The following SEC63 variants were observed in gnomAD, a reference collection of about 807,000 sequenced individuals.
SEC63 encodes the protein SEC63 protein translocation regulator, also known as translocation protein SEC63 homolog.
SEC63 carries 56 observed loss-of-function variants against 116.2 expected under a neutral mutation model. The ratio of observed to expected loss-of-function variants is 0.48; its 90% CI spans 0.39 to 0.60. The LOEUF is 0.60. SEC63 is among the 20% of genes least tolerant of loss of function. The probability of loss-of-function intolerance (pLI) is 0.00; values close to 1 mark genes in which losing one functional copy is unlikely to be tolerated. For synonymous variants in SEC63, 273 were observed against 294.6 expected, an observed-to-expected ratio of 0.93 and a Z score of 0.75; for missense variants, 668 against 900.0, an observed-to-expected ratio of 0.74 and a Z score of 3.30.
chr6:107,954,545 G>A (rs1770669538), intron 1 of SEC63: 1 of 139,520 alleles, frequency 7.2e-6, no homozygotes, highest in Non-Finnish European at 1.5e-5. Flanking sequence ...CACTCAAACA[G>A]ACCCTATGGG....
intron 1 of SEC63, among the ~76,000 whole-genome samples, chr6:107,939,191 G>A (rs1273918063): frequency 6.6e-6 from 1 of 152,082 alleles, no homozygotes; most frequent in Non-Finnish European, 1.5e-5. Flanking sequence ...GCTGAGGCAG[G>A]AGGATCACCG....
intron 4 of SEC63, among the ~76,000 whole-genome samples, chr6:107,918,830 A>G (rs1787477351): frequency 6.6e-6 from 1 of 151,878 alleles, no homozygotes; most frequent in African/African-American, 2.4e-5. Flanking sequence ...TCTAAATGCC[A>G]TTAAGAACAT....
chr6:107,919,824 A>T (rs1028270908), intron 4 of SEC63, among the ~76,000 whole-genome samples: 1 of 151,802 alleles, frequency 6.6e-6, no homozygotes, highest in Non-Finnish European at 1.5e-5. Flanking sequence ...TCCATCTCAA[A>T]AAAAAAAAAG....
rs780498095 is a variant in SEC63, at chr6:107,904,733, TA to T, written c.962-13del. ...CATGAATTGCTGATCTGCAAAACAA[TA>T]AAAAACCTGAAACAGATCATTTTAA... On this transcript the variant is annotated splice_polypyrimidine_tract_variant and intron_variant, in intron 10 of 20. Coordinates refer to ENST00000369002, the MANE Select transcript of SEC63 (RefSeq NM_007214.5). 1.1e-5 allele frequency: 18 copies of T among 1,582,380 alleles called. No individual in the cohort carries two copies. The African/African-American group carries it at 2.2e-4, about 19-fold the overall frequency.
intron 1 of SEC63, among the ~76,000 whole-genome samples, chr6:107,938,598 T>C (rs1215735204): frequency 6.6e-6 from 1 of 150,686 alleles, no homozygotes; most frequent in Non-Finnish European, 1.5e-5. Flanking sequence ...AGTCTCACTC[T>C]GTCACCCAGG....
rs534407595 is a variant in SEC63 at position 107,886,413 on chromosome 6, A to T, written c.1675-3267T>A. Among the ~76,000 whole-genome samples, 8 of 152,304 alleles carry T rather than the reference A, an allele frequency of 5.3e-5. 1 individual carries two copies. Among genetic ancestry groups the T allele is most frequent in the African/African-American group, 1.9e-4 (8 of 41,564 alleles). On this transcript the variant is annotated intron_variant, in intron 16 of 20. Transcript: ENST00000369002. ...CTGGGTCAAGTATTCCTAGTTCTAG[A>T]TCCTTGAGGAATCGCCACACTGACT... is the stretch of plus-strand genomic sequence containing the variant.
intron 16 of SEC63, among the ~76,000 whole-genome samples, chr6:107,889,025 C>A (rs1786607941): frequency 6.6e-6 from 1 of 152,186 alleles, no homozygotes; most frequent in Admixed American, 6.5e-5. Flanking sequence ...CATCAATGTT[C>A]ATCAGGGATA....
chr6:107,892,403 A>G (rs1440478672), intron 16 of SEC63, among the ~76,000 whole-genome samples: 3 of 152,224 alleles, frequency 2.0e-5, no homozygotes, highest in South Asian at 4.1e-4. Context: ...ACCATTAATG[A>G]AAAGTTAATT....
chr6:107,906,244 A>G (rs1387303387), intron 10 of SEC63, among the ~76,000 whole-genome samples: 2 of 152,196 alleles, frequency 1.3e-5, no homozygotes, highest in Non-Finnish European at 2.9e-5. Context: ...GCCATGAATA[A>G]AAGTTTCCTG....
In SEC63 at chr6:107,876,597, T is replaced by G. The variant is rs1404929206; in HGVS notation, c.2001A>C (p.Pro667=). The part of the protein sequence containing the change: ...DRKEQTLISM[P]YHVCTLKDTE... ...TATCTTTCAGCGTACACACATGATATGGCATGGATATTAATGTCTGCTCCT... is the reference window on the plus strand; with the variant it reads ...TATCTTTCAGCGTACACACATGATAGGGCATGGATATTAATGTCTGCTCCT... Residue 667 remains proline, a synonymous_variant, in exon 19 of 21, where the codon CCA becomes CCC. Transcript: ENST00000369002. 1 of 1,602,270 alleles carries G rather than the reference T, an allele frequency of 6.2e-7. No individual in the cohort carries two copies. Among genetic ancestry groups the G allele is most frequent in the South Asian group, 1.1e-5 (1 of 90,642 alleles).
chr6:107,891,349 G>C (rs959254081), intron 16 of SEC63, among the ~76,000 whole-genome samples: 2 of 151,578 alleles, frequency 1.3e-5, no homozygotes, highest in South Asian at 2.1e-4. Flanking sequence ...TCTTCTGCTT[G>C]ATCAATATGG....
intron 4 of SEC63, among the ~76,000 whole-genome samples, chr6:107,918,698 AAAAAAAC>A (rs1251254014): frequency 5.9e-4 from 90 of 151,836 alleles, no homozygotes; most frequent in Admixed American, 1.0e-3. Context: ...TCTCAAAAAA[AAAAAAAC>A]AAAAAACAAA....
chr6:107,910,606 G>A (rs1487885593), intron 7 of SEC63, among the ~76,000 whole-genome samples: 1 of 149,870 alleles, frequency 6.7e-6, no homozygotes, highest in Non-Finnish European at 1.5e-5. Flanking sequence ...ACACACACGT[G>A]TCATACATAT....
At chr6:107,873,632 T>A (rs1208390141) in intron 19 of SEC63, among the ~76,000 whole-genome samples, 1 of 151,142 alleles carries the variant, frequency 6.6e-6, no homozygotes. Flanking sequence ...TAGAAACTAT[T>A]AAAAAAAAAT....
At chr6:107,946,591 A>G (rs1770485132) in intron 1 of SEC63, among the ~76,000 whole-genome samples, 1 of 152,148 alleles carries the variant, frequency 6.6e-6, no homozygotes, top group Non-Finnish European at 1.5e-5. Context: ...CAAGTTCCCA[A>G]CTGCTTTCCT....
chr6:107,941,189 G>A (rs181022432), intron 1 of SEC63, among the ~76,000 whole-genome samples: 8 of 152,268 alleles, frequency 5.3e-5, no homozygotes, highest in South Asian at 2.1e-4. Flanking sequence ...GCTCAAGATC[G>A]CAATGCTAGC....
Position 107,911,375 on chromosome 6 carries a change from C to T in SEC63, c.595G>A (p.Ala199Thr), listed in dbSNP as rs1787280098. The change falls in exon 7 of 21, where the codon GCA (alanine) becomes ACA (threonine). Residue 199 changes from alanine (A) to threonine (T), a missense_variant. Ala to Thr is a moderately conservative substitution (Grantham distance 58). Transcript: ENST00000369002. ...SILVLLVYGL[A>T]FMVILPVVVG... Reference sequence around the variant, plus strand: ...ACAACTGGAAGGATAACCATAAATGCCAATCCATATACAAGTAAAACCTAA... The same window carrying T: ...ACAACTGGAAGGATAACCATAAATGTCAATCCATATACAAGTAAAACCTAA... The T allele has an allele frequency of 1.2e-6, 2 of 1,608,120 alleles. No individual in the cohort carries two copies. Among genetic ancestry groups the T allele is most frequent in the African/African-American group, 1.3e-5 (1 of 74,788 alleles).
chr6:107,939,357 A>G (rs1006759310), intron 1 of SEC63, among the ~76,000 whole-genome samples: 4 of 152,242 alleles, frequency 2.6e-5, no homozygotes, highest in Admixed American at 6.5e-5. Flanking sequence ...AATCTTTTCC[A>G]AAACAGCTTT....
At chr6:107,872,671 C>A in intron 20 of SEC63, 137 bp downstream of exon 20, 1 of 620,258 alleles carries the variant, frequency 1.6e-6, no homozygotes, top group East Asian at 2.9e-5. Context: ...AGTAGTCCAT[C>A]AAGTATATCA....
Sources: allele counts gnomAD v4.1 joint callset (sites outside exome capture counted in the v4.1 genomes callset), GRCh38; gene constraint gnomAD v4.1.1; transcripts MANE v1.5; gene names NCBI Gene and HGNC (gene_info 2026-07-23, HGNC 2026-07-21).